Variants in WDR44 observed in about 807,000 individuals in gnomAD.
WDR44 encodes the protein WD repeat-containing protein 44.
WDR44 carries 9 observed loss-of-function variants against 65.7 expected under a neutral mutation model. That is an observed-to-expected ratio of 0.14 (90% CI 0.08 to 0.24). The LOEUF (loss-of-function observed/expected upper bound fraction) is 0.24. WDR44 is among the 10% of genes least tolerant of loss of function. The probability of loss-of-function intolerance (pLI) is 1.00; values close to 1 mark genes in which losing one functional copy is unlikely to be tolerated. For missense variants in WDR44, 425 were observed against 670.9 expected (o/e 0.63, Z 4.05); for synonymous variants, 220 against 235.2 (o/e 0.94, Z 0.59).
intron 1 of WDR44, among the ~76,000 whole-genome samples, chrX:118,355,375 A>G (rs939129742): frequency 8.9e-6 from 1 of 112,149 alleles, no homozygotes; most frequent in Non-Finnish European, 1.9e-5. Context: ...TGCATTGGAT[A>G]TGGTGGACAA....
At chrX:118,377,911 A>C (rs2056676522) in intron 1 of WDR44, among the ~76,000 whole-genome samples, 1 of 109,241 alleles carries the variant, frequency 9.2e-6, no homozygotes, top group Non-Finnish European at 1.9e-5. Context: ...AATTATTTGT[A>C]GAGACAGGGT....
At chrX:118,350,396 G>A (rs750717218) in intron 1 of WDR44, among the ~76,000 whole-genome samples, 2 of 111,408 alleles carry the variant, frequency 1.8e-5, no homozygotes, top group Non-Finnish European at 3.8e-5. Flanking sequence ...AAGAGGAATC[G>A]TGTGGTACAC....
chrX:118,360,208 G>C (rs2056499267), intron 1 of WDR44, among the ~76,000 whole-genome samples: 1 of 111,727 alleles, frequency 9.0e-6, no homozygotes, highest in Admixed American at 9.5e-5. Context: ...TCTTCAATTT[G>C]AGTAGCACTG....
intron 2 of WDR44, among the ~76,000 whole-genome samples, chrX:118,383,447 C>T (rs1432935072): frequency 9.0e-6 from 1 of 111,053 alleles, no homozygotes; most frequent in African/African-American, 3.3e-5. Flanking sequence ...ATCAGTTAAT[C>T]AAAATGAGGT....
rs1159363730 is a variant in WDR44 at position 118,369,318 on chromosome X, C to G, written c.78-9101C>G. Reference sequence around the variant, plus strand: ...TCCCGACTAGCTGGGACTATAGGCACCCGCCACCATGCCCGGCTAATTTTT... The same window carrying G: ...TCCCGACTAGCTGGGACTATAGGCAGCCGCCACCATGCCCGGCTAATTTTT... On this transcript the variant is annotated intron_variant, in intron 1 of 19. Transcript: ENST00000254029. Among the ~76,000 whole-genome samples, 3 of 106,362 alleles carry G rather than the reference C, an allele frequency of 2.8e-5. No individual in the cohort carries two copies. The Admixed American group carries it at 3.1e-4, about 11-fold the overall frequency. 92.4% of individuals were successfully genotyped at this position (106,362 alleles called of 115,157 possible).
At chrX:118,442,457 C>T in intron 16 of WDR44, 108 bp from the exon 17 acceptor site, 5 of 953,082 alleles carry the variant, frequency 5.2e-6, no homozygotes, top group Non-Finnish European at 7.4e-6. Context: ...CGCTTTTCTT[C>T]TAGTTTTGAG....
At chrX:118,444,148 A>G (rs1189221502) in intron 18 of WDR44, among the ~76,000 whole-genome samples, 3 of 112,338 alleles carry the variant, frequency 2.7e-5, no homozygotes, top group Admixed American at 9.5e-5. Context: ...TGCTTGTTTT[A>G]TCTATACTAA....
rs1215769143 is a variant in WDR44 at position 118,404,242 on chromosome X, A to AGT, written c.1275-95_1275-94dup. 6 of 569,060 alleles carry AGT rather than the reference A, an allele frequency of 1.1e-5. No homozygotes were observed. In the East Asian group the frequency reaches 2.2e-4, roughly 20 times the overall value. The allele number at this position is 569,060 out of a possible 1,213,427, so 46.9% of individuals were successfully genotyped here. A position where few individuals can be genotyped will look rare whatever the true frequency, so the allele number is the denominator to read the frequency against. ...TTTATGTTTAAAAAAGTTATTTCAA[A>AGT]GTAGTGTACTTTATCAGTCACAGCT... is the stretch of plus-strand genomic sequence containing the variant. On this transcript the variant is annotated intron_variant, in intron 8 of 19. Coordinates refer to ENST00000254029, the MANE Select transcript of WDR44 (RefSeq NM_019045.5).
intron 12 of WDR44, among the ~76,000 whole-genome samples, chrX:118,418,554 C>T (rs908165567): frequency 2.7e-5 from 3 of 111,214 alleles, no homozygotes; most frequent in African/African-American, 9.8e-5. Context: ...GTCTCTCAGC[C>T]GTGGATACCA....
At chrX:118,436,456 A>G in intron 13 of WDR44, 1 of 413,536 alleles carries the variant, frequency 2.4e-6, no homozygotes, top group South Asian at 2.8e-5. Flanking sequence ...TTAGACATTG[A>G]TAAGATTCAT....
chrX:118,434,118 C>T (rs6646203), intron 13 of WDR44, among the ~76,000 whole-genome samples: 17,752 of 111,479 alleles, frequency 0.16, 2,510 homozygotes, highest in African/African-American at 0.44. Flanking sequence ...ATGTTGGACA[C>T]GTTGAAAGAT....
intron 1 of WDR44, among the ~76,000 whole-genome samples, chrX:118,356,386 AT>A (rs201419938): frequency 0.27 from 28,405 of 105,309 alleles, 3,137 homozygotes; most frequent in African/African-American, 0.39. Flanking sequence ...TTAATCCCAG[AT>A]TTTTTTTTTT....
At chrX:118,421,627 T>C (rs947526188) in intron 12 of WDR44, among the ~76,000 whole-genome samples, 4 of 111,935 alleles carry the variant, frequency 3.6e-5, no homozygotes, top group Non-Finnish European at 7.5e-5. Context: ...TTCAGTCTTT[T>C]GTCTTAGCAT....
intron 1 of WDR44, among the ~76,000 whole-genome samples, chrX:118,369,932 A>G (rs1474300706): frequency 1.8e-5 from 2 of 112,388 alleles, no homozygotes; most frequent in Admixed American, 9.5e-5. Context: ...TGGGTTTTTT[A>G]GTAGAATATC....
intron 1 of WDR44, among the ~76,000 whole-genome samples, chrX:118,376,339 G>C: frequency 9.0e-6 from 1 of 111,245 alleles, no homozygotes; most frequent in Non-Finnish European, 1.9e-5. Flanking sequence ...CTCTACCAAA[G>C]GAATCATTAC....
rs140211850 is a variant in WDR44, at chrX:118,403,059, C to T, written c.1275-1279C>T. Among the ~76,000 whole-genome samples, 107 of 111,773 alleles carry T rather than the reference C, an allele frequency of 9.6e-4. No individual in the cohort carries two copies. In the East Asian group the frequency reaches 0.018, roughly 19 times the overall value. ...AGTAATAAGTGGGTATCATCTATAGCGTGGAAACACTGGACAGAGGGATGA... is the reference window on the plus strand; with the variant it reads ...AGTAATAAGTGGGTATCATCTATAGTGTGGAAACACTGGACAGAGGGATGA... On this transcript the variant is annotated intron_variant, in intron 8 of 19. Coordinates refer to ENST00000254029, the MANE Select transcript of WDR44 (RefSeq NM_019045.5).
chrX:118,417,140 C>G (rs982619938), intron 12 of WDR44, among the ~76,000 whole-genome samples: 2 of 111,899 alleles, frequency 1.8e-5, no homozygotes, highest in Non-Finnish European at 3.8e-5. Flanking sequence ...ATCTCTGTAT[C>G]TTTTAACTGG....
At chrX:118,393,415 G>A (rs5956967) in intron 4 of WDR44, 144 bp downstream of exon 4, 181,577 of 610,668 alleles carry the variant, frequency 0.3, 28,253 homozygotes, top group African/African-American at 0.86. Context: ...CCCCATCTGA[G>A]CAACAACAAC....
chrX:118,349,098 C>T (rs1179324936), intron 1 of WDR44, among the ~76,000 whole-genome samples: 1 of 111,776 alleles, frequency 8.9e-6, no homozygotes, highest in African/African-American at 3.3e-5. Flanking sequence ...AAAAATCAGC[C>T]CAGTTTTTTT....
Sources: gnomAD v4.1 joint callset for allele counts (sites outside exome capture counted in the v4.1 genomes callset) on GRCh38, gnomAD v4.1.1 for gene constraint, MANE v1.5 for transcripts, NCBI Gene and HGNC (gene_info 2026-07-23, HGNC 2026-07-21) for gene names.